Variants in VPS33B observed in about 807,000 individuals in gnomAD.
VPS33B encodes the protein vacuolar protein sorting-associated protein 33B.
VPS33B carries 80 observed loss-of-function variants against 95.3 expected under a neutral mutation model. The observed-to-expected ratio is 0.84, with a 90% confidence interval of 0.70 to 1.01. The LOEUF is 1.01. Ranked by LOEUF, VPS33B falls within the 50% of genes least tolerant of loss-of-function variation. The pLI is 0.00. For synonymous variants in VPS33B, 280 were observed against 280.4 expected (o/e 1.00, Z 0.01); for missense variants, 715 against 773.4 (o/e 0.92, Z 0.90).
Position 91,002,987 on chromosome 15 carries a change from T to C in VPS33B, c.1272+98A>G. ...GGCCTGAATGGAAACAGGAGGGTAATGGAGGCAGGAAAGGGGCCACTTCTC... is the reference window on the plus strand; with the variant it reads ...GGCCTGAATGGAAACAGGAGGGTAACGGAGGCAGGAAAGGGGCCACTTCTC... On this transcript the variant is annotated intron_variant, in intron 17 of 22. Coordinates refer to ENST00000333371, the MANE Select transcript of VPS33B (RefSeq NM_018668.5). This position sits in a 1 kb window ranked among gnomAD's most constrained non-coding sequence, Gnocchi z 4.7. 1.5e-6 allele frequency: 2 copies of C among 1,309,782 alleles called. No individual in the cohort carries two copies. Among genetic ancestry groups the C allele is most frequent in the Non-Finnish European group, 2.2e-6 (2 of 902,956 alleles). 81.1% of individuals were successfully genotyped at this position (1,309,782 alleles called of 1,614,324 possible).
Position 91,006,059 on chromosome 15 carries a change from C to T in VPS33B, c.853G>A (p.Val285Met). The change falls in exon 12 of 23, where the codon GTG (valine) becomes ATG (methionine). Residue 285 changes from valine (V) to methionine (M), a missense_variant and splice_region_variant. Physicochemically the swap from Val to Met is conservative, Grantham distance 21 (BLOSUM62 1). Coordinates refer to ENST00000333371, the MANE Select transcript of VPS33B (RefSeq NM_018668.5). The surrounding 1 kb of genome is among the most constrained non-coding windows in gnomAD (Gnocchi z 5.4). ...TGCTCGTTCCGAATCTCATTAAACA[C>T]CTGTGAGGACAGTAAGACAAGAACA... is the stretch of plus-strand genomic sequence containing the variant. ...LKVLLNAEDKVFNEIRNEHFS... is the reference protein window; with the variant it reads ...LKVLLNAEDKMFNEIRNEHFS... 3.1e-6 allele frequency: 5 copies of T among 1,614,166 alleles called. No individual in the cohort carries two copies. The highest frequency in any genetic ancestry group is 4.2e-6 in the Non-Finnish European group (5 of 1,180,022).
Position 91,005,835 on chromosome 15 carries a change from C to T in VPS33B, c.940-51G>A, listed in dbSNP as rs758123362. 3 of 1,611,864 alleles carry T rather than the reference C, an allele frequency of 1.9e-6. No homozygotes were observed. Among genetic ancestry groups the T allele is most frequent in the South Asian group, 2.2e-5 (2 of 91,044 alleles). The stretch of plus-strand genomic sequence containing the variant: ...CCCCCCAACCTCAGACACGAGAAAC[C>T]ACCACCCTCCCTCAGTTGCCATCCA... On this transcript the variant is annotated intron_variant, in intron 12 of 22. Transcript: ENST00000333371. This position sits in a 1 kb window ranked among gnomAD's most constrained non-coding sequence, Gnocchi z 6.4.
chr15:91,019,703 A>G (rs1016126844), intron 1 of VPS33B, among the ~76,000 whole-genome samples: 9 of 152,218 alleles, frequency 5.9e-5, no homozygotes, highest in Non-Finnish European at 1.3e-4. Flanking sequence ...GGGAGTTAAT[A>G]AAACCATCCA....
Position 91,011,849 on chromosome 15 carries a change from C to T in VPS33B, c.357+1955G>A, listed in dbSNP as rs1347988950. Among the ~76,000 whole-genome samples the T allele has an allele frequency of 6.6e-6, 1 of 152,008 alleles. No individual in the cohort carries two copies. The highest frequency in any genetic ancestry group is 1.5e-5 in the Non-Finnish European group (1 of 68,010). On this transcript the variant is annotated intron_variant, in intron 5 of 22. Transcript: ENST00000333371. The surrounding 1 kb of genome is among the most constrained non-coding windows in gnomAD (Gnocchi z 5.5). ...TTAAAAATATAAAAAATTAGCCACG[C>T]ACGGTGGTGCACATCTGTAGTCCCA...
chr15:91,009,292 TTCTC>T lies in VPS33B; in HGVS notation c.403+505_403+508del, dbSNP rs35501255. Among the ~76,000 whole-genome samples, 63 of 109,572 alleles carry T rather than the reference TTCTC, an allele frequency of 5.7e-4. No homozygotes were observed. The highest frequency in any genetic ancestry group is 9.3e-4 in the Non-Finnish European group (54 of 57,956). 71.9% of individuals were successfully genotyped at this position (109,572 alleles called of 152,430 possible). A position where few individuals can be genotyped will look rare whatever the true frequency, so the allele number is the denominator to read the frequency against. ...CTTTCTCTCTTTTCTTTTATTTTCT[TTCTC>T]TCTCTCTTTCTTTCTTCCTTCCTTC... On this transcript the variant is annotated intron_variant, in intron 6 of 22. Coordinates refer to ENST00000333371, the MANE Select transcript of VPS33B (RefSeq NM_018668.5). The surrounding 1 kb of genome is among the most constrained non-coding windows in gnomAD (Gnocchi z 4.1).
chr15:91,016,446 G>A (rs970114512), intron 3 of VPS33B, among the ~76,000 whole-genome samples: 5 of 144,280 alleles, frequency 3.5e-5, no homozygotes, highest in Admixed American at 7.2e-5. Context: ...GCAGTGGCGC[G>A]ATCTTGGCTC....
In VPS33B at chr15:91,004,236, A is replaced by AG. The variant is rs1555458638; in HGVS notation, c.1225+640dup. ...AGACTCTGTCTTAAAAAAAAAAAAA[A>AG]GAAGAAAAAGAAAAAGAAGGCAACC... is the stretch of plus-strand genomic sequence containing the variant. On this transcript the variant is annotated intron_variant, in intron 16 of 22. Coordinates refer to ENST00000333371, the MANE Select transcript of VPS33B (RefSeq NM_018668.5). Among the ~76,000 whole-genome samples, 50 of 149,522 alleles carry AG rather than the reference A, an allele frequency of 3.3e-4. 1 individual carries two copies. The highest frequency in any genetic ancestry group is 1.0e-3 in the African/African-American group (42 of 40,390).
Position 91,002,090 on chromosome 15 carries a change from C to G in VPS33B, c.1365G>C (p.Val455=), listed in dbSNP as rs1596351416. The change falls in exon 18 of 23, where the codon GTG becomes GTC. Residue 455 remains valine (V), a synonymous_variant. Coordinates refer to ENST00000333371, the MANE Select transcript of VPS33B (RefSeq NM_018668.5). The surrounding 1 kb of genome is among the most constrained non-coding windows in gnomAD (Gnocchi z 4.7). ...EQAPGDTLTA[V]ESKVSKLVTD... ...TCACCAGCTTGCTCACTTTACTCTC[C>G]ACGGCTGTGAGGGTGTCCCCGGGGG... 6.2e-7 allele frequency: 1 copy of G among 1,614,178 alleles called. No homozygotes were observed. The highest frequency in any genetic ancestry group is 1.3e-5 in the African/African-American group (1 of 75,066).
rs899926517 is a variant in VPS33B at position 91,018,003 on chromosome 15, C to T, written c.97-118G>A. 9 of 823,174 alleles carry T rather than the reference C, an allele frequency of 1.1e-5. No individual in the cohort carries two copies. The African/African-American group carries it at 1.3e-4, about 12-fold the overall frequency. 51.0% of individuals were successfully genotyped at this position (823,174 alleles called of 1,614,324 possible). ...TCTGAGGTGGGAGGGCACTAAGTAT[C>T]GTCTAGCCCGTCACCTTATTTATTA... On this transcript the variant is annotated intron_variant, in intron 1 of 22. Coordinates refer to ENST00000333371, the MANE Select transcript of VPS33B (RefSeq NM_018668.5). This position sits in a 1 kb window ranked among gnomAD's most constrained non-coding sequence, Gnocchi z 4.7.
intron 18 of VPS33B, 136 bp downstream of exon 18, chr15:91,001,914 A>T: frequency 1.4e-6 from 2 of 1,382,714 alleles, no homozygotes; most frequent in Admixed American, 1.8e-5. Context: ...CAGAAGTAGT[A>T]GTAATAATAG....
At chr15:91,008,748 G>A (rs1352227488) in intron 6 of VPS33B, among the ~76,000 whole-genome samples, 1 of 152,162 alleles carries the variant, frequency 6.6e-6, no homozygotes, top group African/African-American at 2.4e-5. Context: ...GTGCTCCAAA[G>A]AGGTCAAACA....
rs773762275 is a variant in VPS33B, at chr15:91,022,548, A to C, written c.-299T>G. 18 of 277,232 alleles carry C rather than the reference A, an allele frequency of 6.5e-5. No homozygotes were observed. The highest frequency in any genetic ancestry group is 1.1e-4 in the Non-Finnish European group (17 of 149,630). 17.2% of individuals were successfully genotyped at this position (277,232 alleles called of 1,614,324 possible). A position where few individuals can be genotyped will look rare whatever the true frequency, so the allele number is the denominator to read the frequency against. On this transcript the variant is annotated 5_prime_UTR_variant, in exon 1 of 23. Coordinates refer to ENST00000333371, the MANE Select transcript of VPS33B (RefSeq NM_018668.5). ...GGTCTACACCCCGCAGAGACTCCGC[A>C]GCGTACGAGGAGAACCCCGCCTTCT...
chr15:91,006,651 CCA>C lies in VPS33B; in HGVS notation c.777_778del (p.Cys259TrpfsTer13). 6.2e-7 allele frequency: 1 copy of C among 1,614,218 alleles called. No individual in the cohort carries two copies. Among genetic ancestry groups the C allele is most frequent in the Non-Finnish European group, 8.5e-7 (1 of 1,180,040 alleles). Reference sequence around the variant, plus strand: ...AAGATGCAGAGGACCATAGCACTTACCACACTTGATGCGGAAGGTGTCATCTA... The same window carrying C: ...AAGATGCAGAGGACCATAGCACTTACCACTTGATGCGGAAGGTGTCATCTA... On this transcript the variant is annotated frameshift_variant and splice_region_variant, in exon 10 of 23. Coordinates refer to ENST00000333371, the MANE Select transcript of VPS33B (RefSeq NM_018668.5). LOFTEE classifies it high-confidence loss of function. This position sits in a 1 kb window ranked among gnomAD's most constrained non-coding sequence, Gnocchi z 5.4.
chr15:91,012,766 C>G (rs1026210093), intron 5 of VPS33B, among the ~76,000 whole-genome samples: 3 of 152,036 alleles, frequency 2.0e-5, no homozygotes, highest in Non-Finnish European at 4.4e-5. Flanking sequence ...GAGGGGAGCT[C>G]AATGGAATCA....
Position 91,005,591 on chromosome 15 carries a change from C to T in VPS33B, c.1030+103G>A. On this transcript the variant is annotated intron_variant, in intron 13 of 22. Transcript: ENST00000333371. The surrounding 1 kb of genome is among the most constrained non-coding windows in gnomAD (Gnocchi z 6.4). The stretch of plus-strand genomic sequence containing the variant: ...ACTTTACACCAAGTAAGACCATATG[C>T]ATCAGATGAACAGGGATCTCCTCCT... 6.4e-7 allele frequency: 1 copy of T among 1,571,180 alleles called. No individual in the cohort carries two copies. Among genetic ancestry groups the T allele is most frequent in the South Asian group, 1.1e-5 (1 of 90,196 alleles).
rs2040777091 is a variant in VPS33B, at chr15:91,011,490, G to A, written c.358-1644C>T. ...CTAAGTAATGGAATTCCAGAGCCAG[G>A]TCTGAAAACTGCCAATCTTCATAAT... On this transcript the variant is annotated intron_variant, in intron 5 of 22. Coordinates refer to ENST00000333371, the MANE Select transcript of VPS33B (RefSeq NM_018668.5). This position sits in a 1 kb window ranked among gnomAD's most constrained non-coding sequence, Gnocchi z 5.5. Among the ~76,000 whole-genome samples, 1 of 152,176 alleles carries A rather than the reference G, an allele frequency of 6.6e-6. No individual in the cohort carries two copies. Among genetic ancestry groups the A allele is most frequent in the African/African-American group, 2.4e-5 (1 of 41,424 alleles).
Position 91,015,012 on chromosome 15 carries a change from C to T in VPS33B, c.240-579G>A, listed in dbSNP as rs1229159419. Among the ~76,000 whole-genome samples the T allele has an allele frequency of 1.3e-5, 2 of 151,176 alleles. No homozygotes were observed. Among genetic ancestry groups the T allele is most frequent in the Non-Finnish European group, 2.9e-5 (2 of 67,936 alleles). ...GGTCAGGAGTTTGAGACCAGCCCAG[C>T]CAACATGGTGAAACCCCGTCTCTAC... On this transcript the variant is annotated intron_variant, in intron 3 of 22. Coordinates refer to ENST00000333371, the MANE Select transcript of VPS33B (RefSeq NM_018668.5). The surrounding 1 kb of genome is among the most constrained non-coding windows in gnomAD (Gnocchi z 4.7).
chr15:91,009,734 A>G lies in VPS33B; in HGVS notation c.403+67T>C. On this transcript the variant is annotated intron_variant, in intron 6 of 22. Transcript: ENST00000333371. The surrounding 1 kb of genome is among the most constrained non-coding windows in gnomAD (Gnocchi z 4.1). ...GGTGGGGGTGGGGTGGGGGGGTTGGAGAACAACAACAGTTTTTTCTTCTGT... is the reference window on the plus strand; with the variant it reads ...GGTGGGGGTGGGGTGGGGGGGTTGGGGAACAACAACAGTTTTTTCTTCTGT... The G allele has an allele frequency of 6.3e-7, 1 of 1,581,586 alleles. No individual in the cohort carries two copies. Among genetic ancestry groups the G allele is most frequent in the Non-Finnish European group, 8.7e-7 (1 of 1,155,438 alleles).
chr15:91,003,782 C>T (rs1329361367), intron 16 of VPS33B, among the ~76,000 whole-genome samples: 3 of 152,206 alleles, frequency 2.0e-5, no homozygotes, highest in South Asian at 2.1e-4. Context: ...CTACTAGGAA[C>T]TGCTTCACAA....
Sources: gnomAD v4.1 joint callset for allele counts (sites outside exome capture counted in the v4.1 genomes callset) on GRCh38, gnomAD v4.1.1 for gene constraint, Gnocchi (gnomAD v3.1) non-coding constraint, MANE v1.5 for transcripts, NCBI Gene and HGNC (gene_info 2026-07-23, HGNC 2026-07-21) for gene names.